CTNNAL1: variants seen among roughly 807,000 people sequenced by gnomAD.
The protein encoded by CTNNAL1 is alpha-catulin.
A neutral mutation model predicts 93.6 loss-of-function variants in CTNNAL1; 69 were observed. The observed-to-expected ratio is 0.74, with a 90% CI of 0.61 to 0.90. CTNNAL1 has a LOEUF of 0.90. Among genes scored for constraint, CTNNAL1 ranks in the 40% least tolerant of loss-of-function variants. The pLI is 0.00. For synonymous variants in CTNNAL1, 286 were observed against 305.4 expected (o/e 0.94, Z 0.66); for missense variants, 836 against 862.0 (o/e 0.97, Z 0.38).
chr9:108,972,270 C>A (rs1587962205), intron 9 of CTNNAL1, among the ~76,000 whole-genome samples: 2 of 152,142 alleles, frequency 1.3e-5, no homozygotes, highest in East Asian at 3.9e-4. Context: ...ATGGTTTCCC[C>A]CATGCCCTGT....
intron 4 of CTNNAL1, among the ~76,000 whole-genome samples, chr9:108,990,167 G>A (rs1039495598): frequency 6.6e-6 from 1 of 152,186 alleles, no homozygotes; most frequent in Non-Finnish European, 1.5e-5. Flanking sequence ...CCTTGGGAAA[G>A]TTTATCCTTG....
At chr9:108,984,784 C>A (rs1344894004) in intron 4 of CTNNAL1, among the ~76,000 whole-genome samples, 1 of 152,150 alleles carries the variant, frequency 6.6e-6, no homozygotes, top group Admixed American at 6.5e-5. Context: ...CTATGTCTTA[C>A]CTAATTAAAA....
intron 10 of CTNNAL1, 134 bp downstream of exon 10, chr9:108,970,268 A>C: frequency 1.3e-6 from 1 of 770,708 alleles, no homozygotes. Context: ...ACCAACAGAA[A>C]TTCCATTATC....
At chr9:108,963,904 G>A (rs10979629) in intron 11 of CTNNAL1, among the ~76,000 whole-genome samples, 8,027 of 152,240 alleles carry the variant, frequency 0.053, 330 homozygotes, top group Admixed American at 0.12. Context: ...ATTGAGTCAA[G>A]GACACTTGGG....
chr9:108,987,487 G>A (rs1464631649), intron 4 of CTNNAL1, among the ~76,000 whole-genome samples: 11 of 152,134 alleles, frequency 7.2e-5, no homozygotes, highest in African/African-American at 2.4e-4. Flanking sequence ...TGTTCTTTTG[G>A]CTTAGGATTG....
chr9:109,007,304 C>T lies in CTNNAL1; in HGVS notation c.141+5998G>A, dbSNP rs531584252. 1.9e-4 allele frequency among the ~76,000 whole-genome samples: 29 copies of T among 152,216 alleles called. No homozygotes were observed. The South Asian group carries it at 3.7e-3, about 20-fold the overall frequency. Reference sequence around the variant, plus strand: ...ACAAATCAGCAAAGAGCAGAGAGGGCGCCTTATCTACTCTCTTCATCGACA... The same window carrying T: ...ACAAATCAGCAAAGAGCAGAGAGGGTGCCTTATCTACTCTCTTCATCGACA... On this transcript the variant is annotated intron_variant, in intron 1 of 18. Coordinates refer to ENST00000325551, the MANE Select transcript of CTNNAL1 (RefSeq NM_003798.4).
At chr9:108,996,866 C>T (rs769406779) in intron 2 of CTNNAL1, among the ~76,000 whole-genome samples, 42 of 152,142 alleles carry the variant, frequency 2.8e-4, no homozygotes, top group Non-Finnish European at 4.7e-4. Context: ...AAAAGTCTCT[C>T]CTCTTACAAG....
At chr9:109,009,768 A>G (rs545640312) in intron 1 of CTNNAL1, among the ~76,000 whole-genome samples, 3 of 152,352 alleles carry the variant, frequency 2.0e-5, no homozygotes, top group South Asian at 2.1e-4. Context: ...AAATTGACCA[A>G]TAGGGATAAC....
At chr9:109,012,606 C>T (rs1827238869) in intron 1 of CTNNAL1, among the ~76,000 whole-genome samples, 1 of 152,218 alleles carries the variant, frequency 6.6e-6, no homozygotes, top group Admixed American at 6.5e-5. Context: ...GTAACGCACA[C>T]ATCCCAAACG....
chr9:108,970,535 A>C, intron 9 of CTNNAL1, 41 bp from the exon 10 acceptor site: 1 of 1,539,946 alleles, frequency 6.5e-7, no homozygotes, highest in Non-Finnish European at 8.8e-7. Context: ...TCACATCCTC[A>C]TCCTCCACAA....
At chr9:109,005,030 C>T (rs1826974041) in intron 1 of CTNNAL1, among the ~76,000 whole-genome samples, 1 of 152,166 alleles carries the variant, frequency 6.6e-6, no homozygotes, top group African/African-American at 2.4e-5. Flanking sequence ...TAAACTGACA[C>T]CAAATCCCAC....
chr9:108,950,303 A>G (rs1587943824), intron 14 of CTNNAL1, among the ~76,000 whole-genome samples: 1 of 152,220 alleles, frequency 6.6e-6, no homozygotes, highest in Admixed American at 6.5e-5. Context: ...TCAGATTTTA[A>G]AAAGGTATGA....
In CTNNAL1 at chr9:108,990,852, A is replaced by C; in HGVS notation, c.520-7T>G. 6.2e-7 allele frequency: 1 copy of C among 1,610,068 alleles called. No individual in the cohort carries two copies. Among genetic ancestry groups the C allele is most frequent in the Non-Finnish European group, 8.5e-7 (1 of 1,178,546 alleles). ...TTTCCATAGTTGCGAGAACCTGCAA[A>C]ACAGATAATAATTCATTATTTGGTG... On this transcript the variant is annotated splice_polypyrimidine_tract_variant and splice_region_variant and intron_variant, in intron 3 of 18. Transcript: ENST00000325551.
rs1410098356 is a variant in CTNNAL1, at chr9:108,977,019, T to C, written c.1131A>G (p.Glu377=). The C allele has an allele frequency of 6.0e-5, 92 of 1,538,766 alleles. No individual in the cohort carries two copies. Among genetic ancestry groups the C allele is most frequent in the Non-Finnish European group, 8.0e-5 (91 of 1,143,776 alleles). The change falls in exon 8 of 19, where the codon GAA becomes GAG. Residue 377 remains glutamate (E), a synonymous_variant. Coordinates refer to ENST00000325551, the MANE Select transcript of CTNNAL1 (RefSeq NM_003798.4). ...AQSKKTKSIA[E]ELELSILKIS... ...TTTTCAAAATACTGAGTTCCAGTTC[T>C]TCAGCGATGCTTTTTGTTTTCTTGC...
At chr9:108,979,155 T>C in intron 7 of CTNNAL1, 126 bp downstream of exon 7, 1 of 1,178,396 alleles carries the variant, frequency 8.5e-7, no homozygotes, top group Non-Finnish European at 1.2e-6. Context: ...AAAGAAGGGA[T>C]GAGATATCCT....
At chr9:108,959,966 A>G (rs1830783881) in intron 11 of CTNNAL1, among the ~76,000 whole-genome samples, 1 of 152,234 alleles carries the variant, frequency 6.6e-6, no homozygotes, top group African/African-American at 2.4e-5. Context: ...GCCTTTCTGT[A>G]TATCTACAAA....
Position 108,948,226 on chromosome 9 carries a change from C to T in CTNNAL1, c.1844G>A (p.Gly615Glu). The T allele has an allele frequency of 6.2e-7, 1 of 1,611,258 alleles. No homozygotes were observed. Among genetic ancestry groups the T allele is most frequent in the Non-Finnish European group, 8.5e-7 (1 of 1,179,278 alleles). Residue 615 changes from glycine to glutamate, a missense_variant, in exon 15 of 19, where the codon GGG becomes GAG. Transcript: ENST00000325551. Reference sequence around the variant, plus strand: ...TAAATCCTGGGAAGTTTTCAGTGGCCCCTCTCCTCTAAAATAAAATTAATT... The same window carrying T: ...TAAATCCTGGGAAGTTTTCAGTGGCTCCTCTCCTCTAAAATAAAATTAATT... ...YSLYLFTRGE[G>E]PLKTSQDLIH... is the part of the protein sequence containing the mutation.
rs373567740 is a variant in CTNNAL1, at chr9:109,013,203, T to C, written c.141+99A>G. Reference sequence around the variant, plus strand: ...AACGCCGCAGTGCCGGCGCGGAAAGTGGGGCAGCGGCTGCCTCCCGTCCGG... The same window carrying C: ...AACGCCGCAGTGCCGGCGCGGAAAGCGGGGCAGCGGCTGCCTCCCGTCCGG... On this transcript the variant is annotated intron_variant, in intron 1 of 18. Coordinates refer to ENST00000325551, the MANE Select transcript of CTNNAL1 (RefSeq NM_003798.4). 73 of 1,334,648 alleles carry C rather than the reference T, an allele frequency of 5.5e-5. No individual in the cohort carries two copies. The East Asian group carries it at 1.9e-3, about 35-fold the overall frequency. The allele number at this position is 1,334,648 out of a possible 1,614,324, so 82.7% of individuals were successfully genotyped here. A position where few individuals can be genotyped will look rare whatever the true frequency, so the allele number is the denominator to read the frequency against.
chr9:108,989,551 A>G (rs1289555005), intron 4 of CTNNAL1, among the ~76,000 whole-genome samples: 1 of 152,224 alleles, frequency 6.6e-6, no homozygotes. Context: ...GGGAAAGTTC[A>G]TATCAAAAAC....
Sources: allele counts gnomAD v4.1 joint callset (sites outside exome capture counted in the v4.1 genomes callset), GRCh38; gene constraint gnomAD v4.1.1; transcripts MANE v1.5; gene names NCBI Gene and HGNC (gene_info 2026-07-23, HGNC 2026-07-21).